The following COL25A1 variants were observed in gnomAD, a reference collection of about 807,000 sequenced individuals.
COL25A1 encodes collagen alpha-1(XXV) chain.
Under a neutral mutation model 128.4 loss-of-function variants are expected in COL25A1, and 103 were observed. That is an observed-to-expected ratio of 0.80 (90% confidence interval 0.68 to 0.94). The LOEUF (loss-of-function observed/expected upper bound fraction) is 0.94. COL25A1 is among the 40% of genes least tolerant of loss of function. COL25A1 has a pLI of 0.00. For missense variants in COL25A1, 745 were observed against 840.0 expected (o/e 0.89, Z 1.40); for synonymous variants, 279 against 277.2 (o/e 1.01, Z -0.06).
intron 6 of COL25A1, among the ~76,000 whole-genome samples, chr4:109,004,881 C>T (rs1755813843): frequency 6.6e-6 from 1 of 152,054 alleles, no homozygotes; most frequent in Non-Finnish European, 1.5e-5. Context: ...GCAAGAACAG[C>T]TTAACAAAGA....
intron 11 of COL25A1, among the ~76,000 whole-genome samples, chr4:108,936,366 A>G (rs965316275): frequency 1.3e-5 from 2 of 152,132 alleles, no homozygotes; most frequent in Admixed American, 1.3e-4. Context: ...CAGGAGATCA[A>G]GACCATCCTG....
chr4:108,859,141 C>G (rs376279860), intron 24 of COL25A1, among the ~76,000 whole-genome samples: 52 of 152,254 alleles, frequency 3.4e-4, no homozygotes, highest in African/African-American at 1.1e-3. Flanking sequence ...AGGAACTGTT[C>G]TAAGAGTATA....
chr4:108,810,404 A>C lies in COL25A1; in HGVS notation c.*3523T>G, dbSNP rs1283968827. The C allele has an allele frequency of 1.3e-5, 2 of 152,000 alleles. No homozygotes were observed. Among genetic ancestry groups the C allele is most frequent in the African/African-American group, 4.8e-5 (2 of 41,444 alleles). 9.4% of individuals were successfully genotyped at this position (152,000 alleles called of 1,614,324 possible). A position where few individuals can be genotyped will look rare whatever the true frequency, so the allele number is the denominator to read the frequency against. On this transcript the variant is annotated 3_prime_UTR_variant, in exon 38 of 38. Transcript: ENST00000399132. ...TGTCCCATCAGAACATCGTATGCAC[A>C]GAATGTAAATTCAAAAACAAGACCT...
intron 3 of COL25A1, among the ~76,000 whole-genome samples, chr4:109,218,236 G>T (rs1216390904): frequency 2.0e-5 from 3 of 151,800 alleles, no homozygotes. Context: ...TGTTTGACAA[G>T]ATACAATTTG....
rs1266308787 is a variant in COL25A1, at chr4:108,812,594, TAAAA to T, written c.*1329_*1332del. ...AAATTATTATGATTTGAAGACTTCT[TAAAA>T]AAATTGTTCAAAACATATGTGACAA... On this transcript the variant is annotated 3_prime_UTR_variant, in exon 38 of 38. Coordinates refer to ENST00000399132, the MANE Select transcript of COL25A1 (RefSeq NM_198721.4). 1 of 152,020 alleles carries T rather than the reference TAAAA, an allele frequency of 6.6e-6. No homozygotes were observed. The highest frequency in any genetic ancestry group is 2.4e-5 in the African/African-American group (1 of 41,408). 9.4% of individuals were successfully genotyped at this position (152,020 alleles called of 1,614,324 possible).
chr4:108,820,320 CCTG>C (rs1731649698), intron 35 of COL25A1, among the ~76,000 whole-genome samples: 3 of 152,090 alleles, frequency 2.0e-5, no homozygotes, highest in Admixed American at 2.0e-4. Flanking sequence ...TTTTTCTAAT[CCTG>C]TAACAGATGA....
intron 3 of COL25A1, among the ~76,000 whole-genome samples, chr4:109,165,706 T>C (rs1241108784): frequency 6.6e-6 from 1 of 151,744 alleles, no homozygotes; most frequent in African/African-American, 2.4e-5. Flanking sequence ...GACAGAACAA[T>C]ACTGTCTCAA....
intron 3 of COL25A1, among the ~76,000 whole-genome samples, chr4:109,084,316 T>C (rs923620689): frequency 1.1e-4 from 16 of 152,196 alleles, no homozygotes; most frequent in African/African-American, 3.1e-4. Flanking sequence ...GAATAAATTA[T>C]AGGTATGCCT....
At chr4:108,974,607 T>C (rs1578947162) in intron 6 of COL25A1, 48 bp from the exon 7 acceptor site, 2 of 1,418,118 alleles carry the variant, frequency 1.4e-6, no homozygotes, top group African/African-American at 1.4e-5. Context: ...AAAGATATTG[T>C]AAACTGAATA....
intron 3 of COL25A1, among the ~76,000 whole-genome samples, chr4:109,273,259 G>C (rs1349560813): frequency 6.6e-6 from 1 of 152,094 alleles, no homozygotes. Flanking sequence ...TTACTAAGTA[G>C]AAATCTTCCA....
intron 8 of COL25A1, among the ~76,000 whole-genome samples, chr4:108,947,311 G>A (rs751030316): frequency 5.3e-5 from 8 of 151,854 alleles, no homozygotes; most frequent in African/African-American, 1.7e-4. Flanking sequence ...GCATGGTGGC[G>A]GGTGCCTGTA....
chr4:109,013,458 C>T (rs1756866993), intron 5 of COL25A1, among the ~76,000 whole-genome samples: 1 of 150,242 alleles, frequency 6.7e-6, no homozygotes, highest in African/African-American at 2.5e-5. Context: ...CCTGAGCCAG[C>T]AGCAGCAACT....
At chr4:109,270,561 C>T (rs1782124873) in intron 3 of COL25A1, among the ~76,000 whole-genome samples, 1 of 152,108 alleles carries the variant, frequency 6.6e-6, no homozygotes, top group African/African-American at 2.4e-5. Flanking sequence ...TCTCCTAGAG[C>T]CTGCTCCTGG....
At chr4:109,291,315 A>T (rs918921883) in intron 3 of COL25A1, among the ~76,000 whole-genome samples, 1 of 152,104 alleles carries the variant, frequency 6.6e-6, no homozygotes, top group African/African-American at 2.4e-5. Flanking sequence ...CTTGCTCACT[A>T]TTGGCTAAAA....
At chr4:109,121,058 A>G (rs1465134941) in intron 3 of COL25A1, among the ~76,000 whole-genome samples, 1 of 152,036 alleles carries the variant, frequency 6.6e-6, no homozygotes, top group Non-Finnish European at 1.5e-5. Flanking sequence ...TGCAATCCCA[A>G]TCAAAATCCC....
At chr4:109,192,290 T>C (rs1775683760) in intron 3 of COL25A1, among the ~76,000 whole-genome samples, 2 of 151,986 alleles carry the variant, frequency 1.3e-5, no homozygotes, top group Non-Finnish European at 2.9e-5. Context: ...AGTAATTGTG[T>C]GTAGTAAAGT....
At chr4:109,216,304 A>C (rs528943214) in intron 3 of COL25A1, among the ~76,000 whole-genome samples, 1 of 151,212 alleles carries the variant, frequency 6.6e-6, no homozygotes, top group South Asian at 2.1e-4. Flanking sequence ...GAAGGACGGA[A>C]GGAAGGAAAG....
intron 3 of COL25A1, among the ~76,000 whole-genome samples, chr4:109,070,742 G>A (rs1203960290): frequency 7.4e-6 from 1 of 135,782 alleles, no homozygotes; most frequent in South Asian, 2.3e-4. Flanking sequence ...ATGTCCAAGT[G>A]TTCTCATTGT....
At chr4:108,932,908 A>G (rs542489783) in intron 11 of COL25A1, among the ~76,000 whole-genome samples, 2 of 152,310 alleles carry the variant, frequency 1.3e-5, no homozygotes, top group Admixed American at 1.3e-4. Context: ...GTCTAGTTTT[A>G]TAAGATACAG....
Sources: allele counts gnomAD v4.1 joint callset (sites outside exome capture counted in the v4.1 genomes callset), GRCh38; gene constraint gnomAD v4.1.1; transcripts MANE v1.5; gene names NCBI Gene and HGNC (gene_info 2026-07-23, HGNC 2026-07-21).